Variants in PLOD2 observed in about 807,000 individuals in gnomAD.
PLOD2 encodes lysine hydroxylase 2.
A neutral mutation model predicts 101.0 loss-of-function variants in PLOD2; 65 were observed. The ratio of observed to expected loss-of-function variants is 0.64; its 90% CI spans 0.53 to 0.79. The LOEUF (loss-of-function observed/expected upper bound fraction) is 0.79, where lower values mean the gene tolerates loss of function less well. Among genes scored for constraint, PLOD2 ranks in the 30% least tolerant of loss-of-function variants. PLOD2 has a pLI of 0.00. For missense variants in PLOD2, 909 were observed against 914.6 expected, an observed-to-expected ratio of 0.99 and a Z score of 0.08; for synonymous variants, 314 against 302.9, an observed-to-expected ratio of 1.04 and a Z score of -0.38.
At chr3:146,090,311 G>A (rs907158720) in intron 8 of PLOD2, among the ~76,000 whole-genome samples, 1 of 151,282 alleles carries the variant, frequency 6.6e-6, no homozygotes, top group African/African-American at 2.4e-5. Flanking sequence ...TATATAGCAC[G>A]TAATTTTATT....
At chr3:146,088,524 A>C (rs958325410) in intron 9 of PLOD2, 62 bp downstream of exon 9, 1 of 1,170,336 alleles carries the variant, frequency 8.5e-7, no homozygotes, top group African/African-American at 1.5e-5. Context: ...ATAAATAACA[A>C]ATAGTTCCAA....
intron 10 of PLOD2, 41 bp from the exon 11 acceptor site, chr3:146,085,314 T>C: frequency 1.0e-6 from 1 of 954,722 alleles, no homozygotes; most frequent in Admixed American, 1.7e-5. Flanking sequence ...TGACATAAAA[T>C]AAATATCTGC....
chr3:146,070,515 CTG>C lies in PLOD2; in HGVS notation c.*200_*201del, dbSNP rs1936086871. On this transcript the variant is annotated 3_prime_UTR_variant, in exon 20 of 20. Transcript: ENST00000282903. ...TTTTTTCTTTCTTTTCTTCTTCAAT[CTG>C]TGTTTTAAGGCTCAGAGCAGACATT... 2.5e-6 allele frequency: 1 copy of C among 398,036 alleles called. No individual in the cohort carries two copies. The highest frequency in any genetic ancestry group is 2.1e-5 in the African/African-American group (1 of 48,068). 24.7% of individuals were successfully genotyped at this position (398,036 alleles called of 1,614,324 possible).
chr3:146,160,827 T>A, intron 1 of PLOD2, 54 bp downstream of exon 1: 1 of 1,128,832 alleles, frequency 8.9e-7, no homozygotes, highest in Non-Finnish European at 1.3e-6. Context: ...ATGAATGAAC[T>A]GCCCCCCCGC....
At chr3:146,134,589 G>A (rs75301623) in intron 1 of PLOD2, among the ~76,000 whole-genome samples, 2,322 of 152,220 alleles carry the variant, frequency 0.015, 36 homozygotes, top group Non-Finnish European at 0.026. Context: ...TGATACCAAG[G>A]TTATGTAGCT....
chr3:146,116,109 A>G (rs770625563), intron 3 of PLOD2, among the ~76,000 whole-genome samples: 2 of 152,194 alleles, frequency 1.3e-5, no homozygotes, highest in African/African-American at 2.4e-5. Flanking sequence ...GCACAGAAGT[A>G]GCTTCACACC....
chr3:146,138,052 TG>T (rs1339580843), intron 1 of PLOD2, among the ~76,000 whole-genome samples: 2 of 152,052 alleles, frequency 1.3e-5, no homozygotes, highest in African/African-American at 4.8e-5. Flanking sequence ...AATGGTTAAT[TG>T]CAAATTACCA....
intron 7 of PLOD2, among the ~76,000 whole-genome samples, chr3:146,095,950 G>T (rs370720214): frequency 6.5e-5 from 8 of 123,394 alleles, no homozygotes; most frequent in Non-Finnish European, 1.3e-4. Flanking sequence ...AAAGCTGGAC[G>T]GTACTGCTGC....
In PLOD2 at chr3:146,071,315, G is replaced by A; in HGVS notation, c.1957C>T (p.Pro653Ser). 6.2e-7 allele frequency: 1 copy of A among 1,612,222 alleles called. No homozygotes were observed. Among genetic ancestry groups the A allele is most frequent in the Non-Finnish European group, 8.5e-7 (1 of 1,178,792 alleles). The change falls in exon 18 of 20, where the codon CCA (proline) becomes TCA (serine). Residue 653 changes from proline (P) to serine (S), a missense_variant. Pro to Ser is a moderately conservative substitution (Grantham distance 74, BLOSUM62 -1). Coordinates refer to ENST00000282903, the MANE Select transcript of PLOD2 (RefSeq NM_182943.3). ...WLHFIREFIA[P>S]VTLKVFAGYY... ...CCTGCAAAGACCTTCAGTGTAACTG[G>A]TGCAATGAACTCCCGGATAAAATGA...
intron 1 of PLOD2, among the ~76,000 whole-genome samples, chr3:146,140,437 C>T (rs1016182792): frequency 9.2e-5 from 14 of 152,014 alleles, no homozygotes; most frequent in African/African-American, 1.9e-4. Context: ...TCAGCTTCAA[C>T]GACCTCTCCC....
Position 146,074,396 on chromosome 3 carries a change from C to T in PLOD2, c.1678-1044G>A, listed in dbSNP as rs149869700. On this transcript the variant is annotated intron_variant, in intron 15 of 19. Transcript: ENST00000282903. Reference sequence around the variant, plus strand: ...TAAAAGATATTTGCCTTAAATACATCTTTTGAGGCTAGATTTTAGGGGCTG... The same window carrying T: ...TAAAAGATATTTGCCTTAAATACATTTTTTGAGGCTAGATTTTAGGGGCTG... Among the ~76,000 whole-genome samples the T allele has an allele frequency of 1.6e-4, 25 of 151,550 alleles. No individual in the cohort carries two copies. In the East Asian group the frequency reaches 4.8e-3, roughly 29 times the overall value.
intron 1 of PLOD2, among the ~76,000 whole-genome samples, chr3:146,158,332 T>C (rs537876443): frequency 2.5e-4 from 38 of 152,200 alleles, no homozygotes; most frequent in African/African-American, 8.2e-4. Context: ...AAATCTTATT[T>C]AGTCTTTCCA....
At chr3:146,091,380 G>A (rs1254610248) in intron 8 of PLOD2, among the ~76,000 whole-genome samples, 16 of 151,990 alleles carry the variant, frequency 1.1e-4, no homozygotes, top group African/African-American at 9.6e-5. Context: ...TATATGTAAA[G>A]TAGTTAAAAC....
chr3:146,130,019 T>C (rs371152073), intron 1 of PLOD2, among the ~76,000 whole-genome samples: 131 of 152,284 alleles, frequency 8.6e-4, no homozygotes, highest in African/African-American at 3.0e-3. Context: ...AATACCCTCT[T>C]AGGATAGTAG....
rs766020374 is a variant in PLOD2, at chr3:146,071,035, T to C, written c.2121+7A>G. Reference sequence around the variant, plus strand: ...GAAAAATCTAAAAACACAAGAGTCATAATTACCTGAAAGTCTTCTCCCACG... The same window carrying C: ...GAAAAATCTAAAAACACAAGAGTCACAATTACCTGAAAGTCTTCTCCCACG... On this transcript the variant is annotated splice_region_variant and intron_variant, in intron 19 of 19. Transcript: ENST00000282903. 11 of 1,603,160 alleles carry C rather than the reference T, an allele frequency of 6.9e-6. No homozygotes were observed. Among genetic ancestry groups the C allele is most frequent in the Non-Finnish European group, 9.4e-6 (11 of 1,171,180 alleles).
At chr3:146,128,880 C>CTTTTTTTTTTTTTTTTTT (rs3975816) in intron 1 of PLOD2, among the ~76,000 whole-genome samples, 1 of 73,182 alleles carries the variant, frequency 1.4e-5, no homozygotes, top group Non-Finnish European at 2.4e-5. Flanking sequence ...ATCTGAAATC[C>CTTTTTTTTTTTTTTTTTT]TTTTTTTTTT....
chr3:146,142,488 T>C (rs1327445284), intron 1 of PLOD2, among the ~76,000 whole-genome samples: 1 of 152,076 alleles, frequency 6.6e-6, no homozygotes, highest in Non-Finnish European at 1.5e-5. Context: ...GGGTGGTACA[T>C]AGAAAAGTTA....
Position 146,073,425 on chromosome 3 carries a change from T to G in PLOD2, c.1678-73A>C, listed in dbSNP as rs1576570330. Reference sequence around the variant, plus strand: ...ACTGAAAAGTATAAAGCATATGCATTTTAGAAATTATTCAACTTATAAATG... The same window carrying G: ...ACTGAAAAGTATAAAGCATATGCATGTTAGAAATTATTCAACTTATAAATG... On this transcript the variant is annotated intron_variant, in intron 15 of 19. Transcript: ENST00000282903. The G allele has an allele frequency of 2.1e-5, 12 of 568,282 alleles. No homozygotes were observed. The East Asian group carries it at 3.6e-4, about 17-fold the overall frequency. The allele number at this position is 568,282 out of a possible 1,614,324, so 35.2% of individuals were successfully genotyped here. A position where few individuals can be genotyped will look rare whatever the true frequency, so the allele number is the denominator to read the frequency against.
intron 1 of PLOD2, among the ~76,000 whole-genome samples, chr3:146,132,151 G>T (rs1365176771): frequency 1.3e-5 from 2 of 152,164 alleles, no homozygotes; most frequent in African/African-American, 4.8e-5. Flanking sequence ...TAAGAGAAGT[G>T]CTGAAAAGTG....
Sources: gnomAD v4.1 joint callset for allele counts (sites outside exome capture counted in the v4.1 genomes callset) on GRCh38, gnomAD v4.1.1 for gene constraint, MANE v1.5 for transcripts, NCBI Gene and HGNC (gene_info 2026-07-23, HGNC 2026-07-21) for gene names.